PRR33: variants seen among roughly 807,000 people sequenced by gnomAD.
The protein encoded by PRR33 is proline-rich protein 33.
PRR33 carries 1 observed loss-of-function variant against 0.5 expected under a neutral mutation model. The ratio of observed to expected loss-of-function variants is 2.18; its 90% CI spans 0.77 to 10.34. The LOEUF (loss-of-function observed/expected upper bound fraction) is 10.34, where lower values mean the gene tolerates loss of function less well. Ranked by LOEUF, PRR33 falls within the 30% of genes most tolerant of loss-of-function variation. The pLI is 0.13. For missense variants in PRR33, 552 were observed against 251.8 expected (o/e 2.19, Z -8.07); for synonymous variants, 226 against 110.0 (o/e 2.06, Z -6.60).
At chr11:1,914,299 G>A in the PRR33 span, among the ~76,000 whole-genome samples, 1 of 148,768 alleles carries the variant, frequency 6.7e-6, no homozygotes, top group Non-Finnish European at 1.5e-5. Context: ...GTTGTGTGTG[G>A]GGTCATGCAC....
exon 1 of PRR33, chr11:1,890,702 A>T (rs1848965015): frequency 1.6e-6 from 1 of 612,038 alleles, no homozygotes. Context: ...TGGAGGCCTG[A>T]GTATTCTGCT....
the PRR33 span, among the ~76,000 whole-genome samples, chr11:1,915,580 TG>T: frequency 6.0e-4 from 21 of 34,788 alleles, no homozygotes; most frequent in Non-Finnish European, 1.0e-3. Flanking sequence ...GTGCATGTGT[TG>T]GGGGGGATAT....
upstream of PRR33, among the ~76,000 whole-genome samples, chr11:1,894,192 CCTCA>C (rs1268807329): frequency 3.5e-5 from 5 of 143,374 alleles, no homozygotes; most frequent in African/African-American, 1.0e-4. Flanking sequence ...TGTGTCAGAG[CCTCA>C]CTCTGTTTCC....
upstream of PRR33, among the ~76,000 whole-genome samples, chr11:1,894,531 C>T (rs573621059): frequency 6.6e-6 from 1 of 152,266 alleles, no homozygotes; most frequent in African/African-American, 2.4e-5. Context: ...GCCCTGCACC[C>T]AAGGGTTTGT....
chr11:1,894,946 CT>C (rs553486215), upstream of PRR33, among the ~76,000 whole-genome samples: 562 of 152,262 alleles, frequency 3.7e-3, no homozygotes, highest in Middle Eastern at 0.014. Flanking sequence ...TTGGCCCTTC[CT>C]AGACGTGGAG....
upstream of PRR33, among the ~76,000 whole-genome samples, chr11:1,895,304 T>C (rs965115598): frequency 1.3e-5 from 2 of 152,134 alleles, no homozygotes; most frequent in Non-Finnish European, 2.9e-5. Context: ...GGCTAATTTT[T>C]GTATTTTTAG....
upstream of PRR33, among the ~76,000 whole-genome samples, chr11:1,895,983 G>T (rs1005340889): frequency 6.6e-6 from 1 of 152,130 alleles, no homozygotes; most frequent in African/African-American, 2.4e-5. Flanking sequence ...ACTCCAGCCT[G>T]GGCAACAGAG....
the PRR33 span, among the ~76,000 whole-genome samples, chr11:1,902,034 C>A: frequency 7.9e-5 from 12 of 152,098 alleles, no homozygotes; most frequent in African/African-American, 9.7e-5. Context: ...AGATCGAGAC[C>A]ATCCTGGCTA....
chr11:1,898,766 G>A, the PRR33 span, among the ~76,000 whole-genome samples: 1 of 152,062 alleles, frequency 6.6e-6, no homozygotes, highest in Non-Finnish European at 1.5e-5. Flanking sequence ...AACACTTTGG[G>A]AGGCCGAGGT....
the PRR33 span, among the ~76,000 whole-genome samples, chr11:1,904,696 T>TG: frequency 2.6e-5 from 4 of 150,992 alleles, no homozygotes; most frequent in African/African-American, 4.9e-5. Flanking sequence ...TTAGTACAGA[T>TG]GGGGGTCTCA....
At chr11:1,902,704 C>T in the PRR33 span, 1 of 152,012 alleles carries the variant, frequency 6.6e-6, no homozygotes, top group Non-Finnish European at 1.5e-5. Flanking sequence ...GATTTGGATC[C>T]TGTGCAAGAA....
At chr11:1,913,444 C>A in the PRR33 span, among the ~76,000 whole-genome samples, 1 of 152,276 alleles carries the variant, frequency 6.6e-6, no homozygotes, top group Non-Finnish European at 1.5e-5. Context: ...CCGCGCCCGG[C>A]CCCCGCTTTC....
chr11:1,901,194 C>T, the PRR33 span, among the ~76,000 whole-genome samples: 1 of 152,146 alleles, frequency 6.6e-6, no homozygotes, highest in African/African-American at 2.4e-5. Context: ...TGCCTGTAAT[C>T]CCAGTTACTT....
exon 1 of PRR33, chr11:1,890,376 C>T: frequency 1.4e-6 from 1 of 716,856 alleles, no homozygotes. Context: ...GCTGGCCTCA[C>T]TCACGGGGGA....
the PRR33 span, among the ~76,000 whole-genome samples, chr11:1,898,070 T>C: frequency 6.6e-6 from 1 of 152,172 alleles, no homozygotes; most frequent in Admixed American, 6.5e-5. Flanking sequence ...CATTCCTCCA[T>C]GTGCCACAAG....
the PRR33 span, among the ~76,000 whole-genome samples, chr11:1,915,531 CTG>C: frequency 1.9e-4 from 14 of 74,226 alleles, no homozygotes; most frequent in Admixed American, 6.2e-4. Context: ...TGGGATGTTT[CTG>C]TGTGTGTGTG....
the PRR33 span, among the ~76,000 whole-genome samples, chr11:1,900,383 G>A: frequency 2.6e-5 from 4 of 152,102 alleles, no homozygotes; most frequent in Admixed American, 2.6e-4. Context: ...ATTAATTTTT[G>A]TCCTGCCCAG....
chr11:1,894,864 T>C (rs182337001), upstream of PRR33, among the ~76,000 whole-genome samples: 161 of 152,290 alleles, frequency 1.1e-3, no homozygotes, highest in African/African-American at 3.8e-3. Flanking sequence ...GTGGGAGGTG[T>C]GTGTGAAACT....
the PRR33 span, chr11:1,907,822 T>C: frequency 6.6e-6 from 1 of 152,116 alleles, no homozygotes; most frequent in Non-Finnish European, 1.5e-5. Flanking sequence ...TGCCTTTTTT[T>C]CCTCCCCAGT....
Sources: allele counts gnomAD v4.1 joint callset (sites outside exome capture counted in the v4.1 genomes callset), GRCh38; gene constraint gnomAD v4.1.1; transcripts MANE v1.5; gene names NCBI Gene and HGNC (gene_info 2026-07-23, HGNC 2026-07-21).